Variants in PLEKHA2 observed in about 807,000 individuals in gnomAD.
PLEKHA2 encodes the protein pleckstrin homology domain containing A2, also known as pleckstrin homology domain-containing family A member 2.
In PLEKHA2, 28 loss-of-function variants were observed where a neutral mutation model predicts 53.2. The ratio of observed to expected loss-of-function variants is 0.53; its 90% confidence interval spans 0.39 to 0.72. PLEKHA2 has a LOEUF of 0.72. Among genes scored for constraint, PLEKHA2 ranks in the 30% least tolerant of loss-of-function variants. The pLI is 0.00. For synonymous variants in PLEKHA2, 193 were observed against 196.4 expected, an observed-to-expected ratio of 0.98 and a Z score of 0.14; for missense variants, 426 against 537.9, an observed-to-expected ratio of 0.79 and a Z score of 2.06.
At chr8:38,907,312 A>G (rs1189498048) in intron 1 of PLEKHA2, among the ~76,000 whole-genome samples, 1 of 152,048 alleles carries the variant, frequency 6.6e-6, no homozygotes, top group African/African-American at 2.4e-5. Flanking sequence ...CTCTGTTATC[A>G]CTTTCTCTTA....
intron 1 of PLEKHA2, among the ~76,000 whole-genome samples, chr8:38,905,685 CTTT>C (rs5891048): frequency 1.7e-5 from 2 of 117,620 alleles, no homozygotes; most frequent in African/African-American, 3.2e-5. Context: ...TGTGTTTTTG[CTTT>C]TTTTTTTTTT....
intron 3 of PLEKHA2, among the ~76,000 whole-genome samples, chr8:38,942,664 G>A (rs1028067194): frequency 6.6e-6 from 1 of 152,196 alleles, no homozygotes; most frequent in Non-Finnish European, 1.5e-5. Context: ...TCACTCCAGG[G>A]AGGCTCAGCC....
intron 2 of PLEKHA2, among the ~76,000 whole-genome samples, chr8:38,925,409 A>G (rs1337872777): frequency 1.3e-5 from 2 of 152,226 alleles, no homozygotes; most frequent in African/African-American, 4.8e-5. Context: ...ACCAAATTAT[A>G]TGGCCCTGAA....
chr8:38,945,562 A>T (rs1157165930), intron 4 of PLEKHA2, among the ~76,000 whole-genome samples: 1 of 152,200 alleles, frequency 6.6e-6, no homozygotes, highest in Non-Finnish European at 1.5e-5. Context: ...ATCTGAAAAT[A>T]TATATATGTA....
At chr8:38,912,535 A>C (rs1175423540) in intron 1 of PLEKHA2, among the ~76,000 whole-genome samples, 1 of 152,178 alleles carries the variant, frequency 6.6e-6, no homozygotes, top group African/African-American at 2.4e-5. Flanking sequence ...ATGAGCTGGC[A>C]AAGTTAACTT....
chr8:38,951,849 C>T (rs537544227), intron 6 of PLEKHA2, among the ~76,000 whole-genome samples: 11 of 152,088 alleles, frequency 7.2e-5, no homozygotes, highest in Admixed American at 4.6e-4. Context: ...TGGGACTACA[C>T]GCCTGGGTAA....
intron 1 of PLEKHA2, among the ~76,000 whole-genome samples, chr8:38,911,243 T>C (rs936602663): frequency 3.6e-5 from 3 of 83,000 alleles, no homozygotes; most frequent in Admixed American, 1.4e-4. Flanking sequence ...ATGAACACTT[T>C]CTTTTTTTTT....
chr8:38,953,732 A>G (rs1483032050), intron 9 of PLEKHA2, among the ~76,000 whole-genome samples: 1 of 152,226 alleles, frequency 6.6e-6, no homozygotes, highest in Non-Finnish European at 1.5e-5. Flanking sequence ...CCACGCCTCT[A>G]GGTCACTCAC....
At chr8:38,967,952 C>T (rs116019421) in intron 10 of PLEKHA2, among the ~76,000 whole-genome samples, 11 of 152,054 alleles carry the variant, frequency 7.2e-5, no homozygotes, top group Non-Finnish European at 1.0e-4. Context: ...TGAGCCACCA[C>T]GCTTGGCCTA....
At chr8:38,915,147 T>C (rs527537360) in intron 1 of PLEKHA2, among the ~76,000 whole-genome samples, 14 of 152,288 alleles carry the variant, frequency 9.2e-5, no homozygotes, top group Admixed American at 2.6e-4. Flanking sequence ...GGTCTCACTG[T>C]GTTGCGCACG....
intron 1 of PLEKHA2, among the ~76,000 whole-genome samples, chr8:38,902,917 C>T (rs2152362680): frequency 6.6e-6 from 1 of 152,330 alleles, no homozygotes; most frequent in Non-Finnish European, 1.5e-5. Flanking sequence ...GCATCATCAT[C>T]ATCTCAGACA....
At chr8:38,947,405 G>A (rs1171262516) in intron 5 of PLEKHA2, among the ~76,000 whole-genome samples, 7 of 152,182 alleles carry the variant, frequency 4.6e-5, no homozygotes, top group South Asian at 4.2e-4. Flanking sequence ...AGCCGAGATC[G>A]TGCCATTGCA....
Position 38,971,160 on chromosome 8 carries a change from A to C in PLEKHA2, c.*1377A>C, listed in dbSNP as rs988179832. 1.3e-5 allele frequency: 2 copies of C among 152,182 alleles called. No homozygotes were observed. Among genetic ancestry groups the C allele is most frequent in the Non-Finnish European group, 2.9e-5 (2 of 68,026 alleles). 9.4% of individuals were successfully genotyped at this position (152,182 alleles called of 1,614,324 possible). A position where few individuals can be genotyped will look rare whatever the true frequency, so the allele number is the denominator to read the frequency against. ...TGAGGGGAATCATGTTTCTTTCAGG[A>C]CGTGTTGTTTCCCTGAAGTCTATGT... On this transcript the variant is annotated 3_prime_UTR_variant, in exon 12 of 12. Transcript: ENST00000617275.
intron 1 of PLEKHA2, among the ~76,000 whole-genome samples, chr8:38,913,655 C>T (rs910250473): frequency 6.6e-6 from 1 of 152,210 alleles, no homozygotes; most frequent in Non-Finnish European, 1.5e-5. Flanking sequence ...CAGCTCTGCA[C>T]CCTTCCCGGA....
rs1034850450 is a variant in PLEKHA2 at position 38,971,412 on chromosome 8, C to G, written c.*1629C>G. On this transcript the variant is annotated 3_prime_UTR_variant, in exon 12 of 12. Coordinates refer to ENST00000617275, the MANE Select transcript of PLEKHA2 (RefSeq NM_021623.2). The stretch of plus-strand genomic sequence containing the variant: ...GATCGAGGTTATGACATACTTGGAG[C>G]GGCATGATTTCAAGAAGCCATTCCA... 2 of 152,524 alleles carry G rather than the reference C, an allele frequency of 1.3e-5. No homozygotes were observed. Among genetic ancestry groups the G allele is most frequent in the Admixed American group, 1.3e-4 (2 of 15,264 alleles). The allele number at this position is 152,524 out of a possible 1,614,324, so 9.4% of individuals were successfully genotyped here. A position where few individuals can be genotyped will look rare whatever the true frequency, so the allele number is the denominator to read the frequency against.
At chr8:38,907,834 G>T (rs1448317787) in intron 1 of PLEKHA2, among the ~76,000 whole-genome samples, 1 of 151,290 alleles carries the variant, frequency 6.6e-6, no homozygotes, top group Non-Finnish European at 1.5e-5. Flanking sequence ...ATGTATGTAT[G>T]TATGTATGTA....
At chr8:38,946,053 T>C in intron 4 of PLEKHA2, 71 bp from the exon 5 acceptor site, 1 of 1,247,872 alleles carries the variant, frequency 8.0e-7, no homozygotes, top group Non-Finnish European at 1.1e-6. Flanking sequence ...ACCTTAGCTT[T>C]GTGGAGACTT....
At chr8:38,908,236 A>C (rs986597468) in intron 1 of PLEKHA2, among the ~76,000 whole-genome samples, 2 of 152,194 alleles carry the variant, frequency 1.3e-5, no homozygotes, top group African/African-American at 2.4e-5. Context: ...AAGGGACCAC[A>C]CCAGCAGGAG....
In PLEKHA2 at chr8:38,952,649, A is replaced by T. The variant is rs1834867650; in HGVS notation, c.647A>T (p.Lys216Ile). 6.2e-7 allele frequency: 1 copy of T among 1,609,734 alleles called. No homozygotes were observed. Among genetic ancestry groups the T allele is most frequent in the Non-Finnish European group, 8.5e-7 (1 of 1,179,822 alleles). The change falls in exon 8 of 12, where the codon AAA becomes ATA. Residue 216 changes from lysine to isoleucine, a missense_variant. By Grantham distance (102) the Lys-to-Ile change is moderately radical. Transcript: ENST00000617275. Reference protein sequence around the residue: ...VKQGNVRKSWKRRFFALDDFT... With the variant: ...VKQGNVRKSWIRRFFALDDFT... ...TTTTTATTACAGCGGAAGAGCTGGA[A>T]ACGTCGCTTCTTTGCACTTGATGAC...
Sources: allele counts gnomAD v4.1 joint callset (sites outside exome capture counted in the v4.1 genomes callset), GRCh38; gene constraint gnomAD v4.1.1; transcripts MANE v1.5; gene names NCBI Gene and HGNC (gene_info 2026-07-23, HGNC 2026-07-21).